The following ARID2 variants were observed in gnomAD, a reference collection of about 807,000 sequenced individuals.
ARID2 encodes AT-rich interactive domain-containing protein 2.
Under a neutral mutation model 184.6 loss-of-function variants are expected in ARID2, and 32 were observed. That is an observed-to-expected ratio of 0.17 (90% CI 0.13 to 0.23). The LOEUF (loss-of-function observed/expected upper bound fraction) is 0.23, where lower values mean the gene tolerates loss of function less well. Among genes scored for constraint, ARID2 ranks in the 10% least tolerant of loss-of-function variants. ARID2 has a pLI of 1.00. For synonymous variants in ARID2, 836 were observed against 772.6 expected (o/e 1.08, Z -1.36); for missense variants, 1,696 against 2,197.6 (o/e 0.77, Z 4.56).
intron 8 of ARID2, 33 bp from the exon 9 acceptor site, chr12:45,837,288 A>T: frequency 1.3e-6 from 2 of 1,508,594 alleles, no homozygotes; most frequent in Non-Finnish European, 1.8e-6. Flanking sequence ...TGGAAGAAGC[A>T]TAGCTCAATA....
At position 45,797,995 on chromosome 12, in the gene ARID2, T is replaced by A. The variant is rs1942421742; in HGVS notation, c.285-13423T>A. Among the ~76,000 whole-genome samples, 3 of 152,118 alleles carry A rather than the reference T, an allele frequency of 2.0e-5. No individual in the cohort carries two copies. The South Asian group carries it at 6.2e-4, about 31-fold the overall frequency. ...GAGGCTAACTGCTATTATAGTTTCT[T>A]TATTTCATTCTAAAAATATATGGTT... On this transcript the variant is annotated intron_variant, in intron 3 of 20. Coordinates refer to ENST00000334344, the MANE Select transcript of ARID2 (RefSeq NM_152641.4).
At chr12:45,773,411 A>G (rs745454049) in intron 3 of ARID2, among the ~76,000 whole-genome samples, 2 of 152,094 alleles carry the variant, frequency 1.3e-5, no homozygotes, top group Non-Finnish European at 2.9e-5. Flanking sequence ...AAATTAATGA[A>G]ATAAAAGAAA....
At chr12:45,797,791 C>T (rs954139038) in intron 3 of ARID2, among the ~76,000 whole-genome samples, 11 of 151,856 alleles carry the variant, frequency 7.2e-5, no homozygotes, top group African/African-American at 1.7e-4. Context: ...TCTTTCTTCA[C>T]GTGTATATGA....
intron 3 of ARID2, among the ~76,000 whole-genome samples, chr12:45,735,413 TG>T (rs1176664540): frequency 3.7e-5 from 5 of 135,032 alleles, no homozygotes; most frequent in Non-Finnish European, 7.8e-5. Context: ...CTTTATAAAC[TG>T]TATCGTGTGT....
At chr12:45,864,885 T>C (rs564059996) in intron 16 of ARID2, among the ~76,000 whole-genome samples, 3 of 152,328 alleles carry the variant, frequency 2.0e-5, no homozygotes, top group African/African-American at 7.2e-5. Flanking sequence ...GATATTTCCC[T>C]TATTTACCAG....
chr12:45,805,078 T>C (rs1336852850), intron 3 of ARID2, among the ~76,000 whole-genome samples: 2 of 152,108 alleles, frequency 1.3e-5, no homozygotes, highest in Non-Finnish European at 2.9e-5. Flanking sequence ...ATCTATGCTT[T>C]CCTTTATGGA....
intron 6 of ARID2, among the ~76,000 whole-genome samples, chr12:45,824,246 C>G (rs1942953407): frequency 6.6e-6 from 1 of 152,026 alleles, no homozygotes; most frequent in Admixed American, 6.6e-5. Flanking sequence ...TGCCTAATTT[C>G]TTGAAAATTT....
At chr12:45,793,172 C>A (rs1047202029) in intron 3 of ARID2, among the ~76,000 whole-genome samples, 1 of 151,868 alleles carries the variant, frequency 6.6e-6, no homozygotes, top group Non-Finnish European at 1.5e-5. Context: ...TGCTGTTGGG[C>A]ACCTATAATC....
chr12:45,886,355 C>A (rs1328192349), intron 16 of ARID2, among the ~76,000 whole-genome samples: 2 of 152,242 alleles, frequency 1.3e-5, no homozygotes, highest in Non-Finnish European at 2.9e-5. Flanking sequence ...AGCTCCACCC[C>A]TGTGGCTTTG....
At chr12:45,779,127 G>T (rs1402110147) in intron 3 of ARID2, among the ~76,000 whole-genome samples, 1 of 151,678 alleles carries the variant, frequency 6.6e-6, no homozygotes, top group Non-Finnish European at 1.5e-5. Flanking sequence ...AAATTTTGTG[G>T]TGAATCTTCT....
chr12:45,757,695 G>A (rs984160567), intron 3 of ARID2, among the ~76,000 whole-genome samples: 1 of 152,124 alleles, frequency 6.6e-6, no homozygotes, highest in Non-Finnish European at 1.5e-5. Flanking sequence ...GAGAGGAGTC[G>A]TTTAAAAAAG....
At chr12:45,762,166 G>A (rs376479707) in intron 3 of ARID2, among the ~76,000 whole-genome samples, 1 of 152,000 alleles carries the variant, frequency 6.6e-6, no homozygotes, top group East Asian at 1.9e-4. Context: ...TTTCTTGTCA[G>A]TATGTGTTTC....
chr12:45,752,763 T>G (rs1038068463), intron 3 of ARID2, among the ~76,000 whole-genome samples: 1 of 152,228 alleles, frequency 6.6e-6, no homozygotes, highest in Non-Finnish European at 1.5e-5. Flanking sequence ...TCCAAAATGC[T>G]GGCATTACAG....
At chr12:45,741,597 A>G (rs1336712741) in intron 3 of ARID2, among the ~76,000 whole-genome samples, 1 of 152,042 alleles carries the variant, frequency 6.6e-6, no homozygotes. Context: ...TATCATTGTT[A>G]TGCATTTTGC....
rs766691475 is a variant in ARID2 at position 45,730,068 on chromosome 12, G to C, written c.117G>C (p.Ala39=). 1 of 1,613,472 alleles carries C rather than the reference G, an allele frequency of 6.2e-7. No individual in the cohort carries two copies. The highest frequency in any genetic ancestry group is 8.5e-7 in the Non-Finnish European group (1 of 1,179,766). Residue 39 remains alanine, a synonymous_variant, in exon 2 of 21, where the codon GCG becomes GCC. Coordinates refer to ENST00000334344, the MANE Select transcript of ARID2 (RefSeq NM_152641.4). ...GGTCGCCTTTTAAAAAAATCCCTGC[G>C]GTGGGTGGGAAGGAGCTGGATCTTC... ...SRGSPFKKIP[A]VGGKELDLHG... is the part of the protein sequence containing the mutation.
intron 15 of ARID2, among the ~76,000 whole-genome samples, chr12:45,856,165 C>T (rs1468741590): frequency 6.7e-6 from 1 of 148,498 alleles, no homozygotes; most frequent in Non-Finnish European, 1.5e-5. Flanking sequence ...ACCTCTACCT[C>T]CCGGGTTCAA....
chr12:45,829,985 A>T (rs368498995), intron 6 of ARID2, among the ~76,000 whole-genome samples: 3 of 149,102 alleles, frequency 2.0e-5, no homozygotes, highest in East Asian at 2.0e-4. Context: ...ATCCTATTTT[A>T]GATTTGCCCT....
At chr12:45,763,149 G>A (rs944136324) in intron 3 of ARID2, among the ~76,000 whole-genome samples, 3 of 152,174 alleles carry the variant, frequency 2.0e-5, no homozygotes, top group African/African-American at 7.2e-5. Flanking sequence ...GTTCAATATA[G>A]TTTAGTAATA....
chr12:45,809,704 T>C (rs1942668349), intron 3 of ARID2, among the ~76,000 whole-genome samples: 1 of 152,162 alleles, frequency 6.6e-6, no homozygotes, highest in Non-Finnish European at 1.5e-5. Context: ...AGCTACCTGC[T>C]AGGAAAGAGT....
Sources: gnomAD v4.1 joint callset for allele counts (sites outside exome capture counted in the v4.1 genomes callset) on GRCh38, gnomAD v4.1.1 for gene constraint, MANE v1.5 for transcripts, NCBI Gene and HGNC (gene_info 2026-07-23, HGNC 2026-07-21) for gene names.